Variants in PTPRN2 observed in about 807,000 individuals in gnomAD.
PTPRN2 encodes receptor-type tyrosine-protein phosphatase N2.
In PTPRN2, 74 loss-of-function variants were observed where a neutral mutation model predicts 118.8. That is an observed-to-expected ratio of 0.62 (90% CI 0.52 to 0.76). The LOEUF (loss-of-function observed/expected upper bound fraction) is 0.76. Ranked by LOEUF, PTPRN2 falls within the 30% of genes least tolerant of loss-of-function variation. The pLI is 0.00. For missense variants in PTPRN2, 1,481 were observed against 1,394.4 expected (o/e 1.06, Z -0.99); for synonymous variants, 641 against 608.0 (o/e 1.05, Z -0.80).
intron 9 of PTPRN2, among the ~76,000 whole-genome samples, chr7:158,127,556 C>T (rs895166200): frequency 6.6e-6 from 1 of 152,218 alleles, no homozygotes; most frequent in African/African-American, 2.4e-5. Context: ...AGCACTGTGG[C>T]CGCCACCCCA....
chr7:158,440,522 G>C (rs763527640), intron 2 of PTPRN2, among the ~76,000 whole-genome samples: 3 of 151,526 alleles, frequency 2.0e-5, no homozygotes, highest in Non-Finnish European at 4.4e-5. Context: ...GGTGATAGTG[G>C]TGATGTGGTA....
At chr7:157,544,669 A>G (rs988744637) in intron 22 of PTPRN2, among the ~76,000 whole-genome samples, 12 of 152,212 alleles carry the variant, frequency 7.9e-5, no homozygotes, top group Non-Finnish European at 1.8e-4. Context: ...TGTGGGCAGG[A>G]AAGTGTTAAG....
chr7:157,727,914 A>G (rs1799688702), intron 12 of PTPRN2, among the ~76,000 whole-genome samples: 1 of 152,140 alleles, frequency 6.6e-6, no homozygotes, highest in South Asian at 2.1e-4. Context: ...CTGTGCCCAG[A>G]AACCCACCCT....
intron 9 of PTPRN2, among the ~76,000 whole-genome samples, chr7:158,125,473 C>T (rs1298815059): frequency 1.3e-5 from 2 of 152,082 alleles, no homozygotes; most frequent in Non-Finnish European, 2.9e-5. Context: ...TTTACTTCTT[C>T]TTCCTCTTTT....
intron 2 of PTPRN2, among the ~76,000 whole-genome samples, chr7:158,411,896 A>T (rs1292319351): frequency 2.0e-5 from 3 of 152,026 alleles, no homozygotes; most frequent in African/African-American, 7.3e-5. Context: ...GGCTGCGCAC[A>T]TGAGACTGGG....
At chr7:157,911,012 A>AG (rs905728807) in intron 11 of PTPRN2, among the ~76,000 whole-genome samples, 1 of 152,222 alleles carries the variant, frequency 6.6e-6, no homozygotes, top group East Asian at 1.9e-4. Context: ...GGAGAAGAGA[A>AG]GGGGGGTGCC....
intron 12 of PTPRN2, among the ~76,000 whole-genome samples, chr7:157,715,644 G>C (rs754014753): frequency 5.9e-5 from 9 of 152,250 alleles, no homozygotes; most frequent in Non-Finnish European, 8.8e-5. Context: ...GGCCCCTGCT[G>C]CAACAGCAAG....
chr7:158,205,197 C>A lies in PTPRN2; in HGVS notation c.354G>T (p.Arg118Ser). 2 of 1,614,098 alleles carry A rather than the reference C, an allele frequency of 1.2e-6. No homozygotes were observed. The highest frequency in any genetic ancestry group is 1.7e-6 in the Non-Finnish European group (2 of 1,180,000). The change falls in exon 4 of 23, where the codon AGG becomes AGT. Residue 118 changes from arginine to serine, a missense_variant. Around this residue, in one of 3 missense-constraint regions of PTPRN2, gnomAD observed 1,115 missense variants for 994.2 expected, o/e 1.12. Transcript: ENST00000389418. ...ELADLPKTYL[R>S]RPEASSPARP... ...TGGCTGGGCTGGATGCTTCAGGACG[C>A]CTCAGGTAGGTTTTCGGGAGGTCTG...
intron 6 of PTPRN2, among the ~76,000 whole-genome samples, chr7:158,164,488 C>T (rs975608689): frequency 2.7e-5 from 4 of 148,948 alleles, no homozygotes; most frequent in Non-Finnish European, 4.5e-5. Context: ...GAAGGGCTCG[C>T]AGAGCGGGAG....
chr7:158,523,444 G>A (rs1310111456), intron 1 of PTPRN2, among the ~76,000 whole-genome samples: 5 of 129,478 alleles, frequency 3.9e-5, no homozygotes, highest in African/African-American at 1.1e-4. Context: ...GTCTGCCCTG[G>A]AGCGGAGTCG....
intron 12 of PTPRN2, among the ~76,000 whole-genome samples, chr7:157,803,588 C>T (rs1410787742): frequency 6.6e-6 from 1 of 152,200 alleles, no homozygotes; most frequent in Non-Finnish European, 1.5e-5. Context: ...CAGTCTTTAG[C>T]CCATGTTGAG....
rs567812231 is a variant in PTPRN2 at position 157,550,019 on chromosome 7, C to G, written c.2903-1000G>C. On this transcript the variant is annotated intron_variant, in intron 21 of 22. Transcript: ENST00000389418. This position sits in a 1 kb window ranked among gnomAD's most constrained non-coding sequence, Gnocchi z 5.2. ...AGGAAGAAGCCGCAGCCATTGGAACCCCAACTACCGTGGGCAGGACAGCGC... is the reference window on the plus strand; with the variant it reads ...AGGAAGAAGCCGCAGCCATTGGAACGCCAACTACCGTGGGCAGGACAGCGC... Among the ~76,000 whole-genome samples the G allele has an allele frequency of 2.5e-3, 383 of 152,352 alleles. 3 individuals are homozygous for G. The highest frequency in any genetic ancestry group is 4.7e-3 in the Non-Finnish European group (317 of 68,040).
In PTPRN2 at chr7:158,398,530, C is replaced by T. The variant is rs528456326; in HGVS notation, c.164-81598G>A. Among the ~76,000 whole-genome samples, 4 of 152,296 alleles carry T rather than the reference C, an allele frequency of 2.6e-5. 1 individual carries two copies. In the South Asian group the frequency reaches 6.2e-4, roughly 24 times the overall value. On this transcript the variant is annotated intron_variant, in intron 2 of 22. Transcript: ENST00000389418. ...AGTACATTCTTTGTTCTGTTATTGC[C>T]GTTGTCAAAGTTAACTCTCTCTTCT...
At position 157,787,903 on chromosome 7, in the gene PTPRN2, C is replaced by T. The variant is rs1345712191; in HGVS notation, c.1789-104966G>A. Among the ~76,000 whole-genome samples, 3 of 152,154 alleles carry T rather than the reference C, an allele frequency of 2.0e-5. No homozygotes were observed. The highest frequency in any genetic ancestry group is 4.8e-5 in the African/African-American group (2 of 41,436). On this transcript the variant is annotated intron_variant, in intron 12 of 22. Transcript: ENST00000389418. This position sits in a 1 kb window ranked among gnomAD's most constrained non-coding sequence, Gnocchi z 5.3. The stretch of plus-strand genomic sequence containing the variant: ...AGTGGATAAAAGCTGCTGGCAACAT[C>T]GACGTCCCCAAGACACTGACAGGCC...
rs150790467 is a variant in PTPRN2 at position 157,635,598 on chromosome 7, T to C, written c.2197-14089A>G. 7.9e-5 allele frequency among the ~76,000 whole-genome samples: 12 copies of C among 152,364 alleles called. 1 individual carries two copies. Among genetic ancestry groups the C allele is most frequent in the African/African-American group, 2.6e-4 (11 of 41,578 alleles). On this transcript the variant is annotated intron_variant, in intron 14 of 22. Coordinates refer to ENST00000389418, the MANE Select transcript of PTPRN2 (RefSeq NM_002847.5). The stretch of plus-strand genomic sequence containing the variant: ...TAAACCAATTTTCATTTTTCTAGAA[T>C]TTTCTCCTATATTTTATTGTCTTCG...
chr7:157,961,193 G>A (rs967078469), intron 11 of PTPRN2, among the ~76,000 whole-genome samples: 1 of 152,022 alleles, frequency 6.6e-6, no homozygotes, highest in Non-Finnish European at 1.5e-5. Context: ...TTCCTCTTTT[G>A]ATTTTTTCCA....
At chr7:158,217,313 C>A (rs575560740) in intron 3 of PTPRN2, among the ~76,000 whole-genome samples, 4 of 152,284 alleles carry the variant, frequency 2.6e-5, no homozygotes, top group Admixed American at 2.6e-4. Flanking sequence ...TCCCAGGTCA[C>A]CAGGGTTAGA....
intron 12 of PTPRN2, among the ~76,000 whole-genome samples, chr7:157,776,152 TTTTTCA>T (rs1803208715): frequency 7.3e-6 from 1 of 136,884 alleles, no homozygotes; most frequent in African/African-American, 2.8e-5. Flanking sequence ...CCTCCTCTCC[TTTTTCA>T]CCTCCTCCCT....
At chr7:158,310,534 T>C (rs888858410) in intron 3 of PTPRN2, among the ~76,000 whole-genome samples, 2 of 152,222 alleles carry the variant, frequency 1.3e-5, no homozygotes, top group African/African-American at 4.8e-5. Flanking sequence ...TGCACCTCAG[T>C]GGCAGAGGGC....
Sources: gnomAD v4.1 joint callset for allele counts (sites outside exome capture counted in the v4.1 genomes callset) on GRCh38, gnomAD v4.1.1 for gene constraint, gnomAD v4.1.1 regional missense constraint, Gnocchi (gnomAD v3.1) non-coding constraint, MANE v1.5 for transcripts, NCBI Gene and HGNC (gene_info 2026-07-23, HGNC 2026-07-21) for gene names.